PVT1: variants seen among roughly 807,000 people sequenced by gnomAD.
PVT1 encodes Pvt1 oncogene, also known as CXCR4/PVT1 fusion.
chr8:127,817,546 T>TATACAC (rs1280832628), intron 2 of PVT1, among the ~76,000 whole-genome samples: 1 of 89,936 alleles, frequency 1.1e-5, no homozygotes, highest in Non-Finnish European at 2.3e-5. Flanking sequence ...TATATATATA[T>TATACAC]ACACACACAC....
At chr8:128,024,270 T>C (rs953492510) in intron 4 of PVT1, among the ~76,000 whole-genome samples, 1 of 152,164 alleles carries the variant, frequency 6.6e-6, no homozygotes, top group Admixed American at 6.5e-5. Flanking sequence ...GTGTGACTTA[T>C]TGAGATCTCA....
intron 3 of PVT1, among the ~76,000 whole-genome samples, chr8:127,980,839 C>T (rs534431852): frequency 7.3e-4 from 110 of 149,816 alleles, no homozygotes; most frequent in Non-Finnish European, 1.5e-3. Context: ...GCTCTGTTGC[C>T]CAGGATATAG....
At chr8:128,081,966 A>AC (rs889298383) in intron 5 of PVT1, among the ~76,000 whole-genome samples, 3 of 151,670 alleles carry the variant, frequency 2.0e-5, no homozygotes, top group South Asian at 2.1e-4. Context: ...TGTATTGAAC[A>AC]CCCCCCCTCA....
At chr8:127,858,317 G>T (rs1428344980) in intron 2 of PVT1, among the ~76,000 whole-genome samples, 1 of 152,084 alleles carries the variant, frequency 6.6e-6, no homozygotes, top group Non-Finnish European at 1.5e-5. Context: ...TGAGGCAGGA[G>T]AATCACTTGA....
At chr8:127,918,737 G>A (rs915208324) in intron 3 of PVT1, among the ~76,000 whole-genome samples, 1 of 152,202 alleles carries the variant, frequency 6.6e-6, no homozygotes, top group Non-Finnish European at 1.5e-5. Context: ...CAAAGGGTCA[G>A]GTTAGGTTGT....
intron 3 of PVT1, among the ~76,000 whole-genome samples, chr8:127,896,782 C>CCCCG (rs1554595098): frequency 2.0e-5 from 3 of 149,458 alleles, no homozygotes; most frequent in African/African-American, 7.4e-5. Flanking sequence ...CCTCCCCCCC[C>CCCCG]CCGCCCCCGA....
chr8:127,864,299 G>T (rs1280929304), intron 2 of PVT1, among the ~76,000 whole-genome samples: 1 of 151,728 alleles, frequency 6.6e-6, no homozygotes, highest in African/African-American at 2.4e-5. Flanking sequence ...TGGAACTGGG[G>T]CCCTGCCAGT....
chr8:127,813,886 A>T (rs1586390428), intron 2 of PVT1, among the ~76,000 whole-genome samples: 1 of 152,118 alleles, frequency 6.6e-6, no homozygotes, highest in South Asian at 2.1e-4. Context: ...AGGTTCAAGC[A>T]ATTCTTCTGC....
At chr8:128,059,263 G>A (rs1003347825) in intron 4 of PVT1, among the ~76,000 whole-genome samples, 3 of 152,156 alleles carry the variant, frequency 2.0e-5, no homozygotes, top group Middle Eastern at 3.4e-3. Context: ...GGCTCAATAC[G>A]CAGCTCAACA....
rs190578874 is a variant in PVT1 at position 127,997,129 on chromosome 8, A to C, written n.912+7838A>C. On this transcript the variant is annotated intron_variant and non_coding_transcript_variant, in intron 4 of 10. Coordinates refer to ENST00000651587, the Ensembl canonical transcript of PVT1. The stretch of plus-strand genomic sequence containing the variant: ...GAGTACAATGGCGTGATCTCAGCTC[A>C]CCACAAGCTCTGCCTCCCGGGGTCA... Among the ~76,000 whole-genome samples the C allele has an allele frequency of 2.1e-5, 3 of 141,636 alleles. No homozygotes were observed. In the East Asian group the frequency reaches 6.3e-4, roughly 30 times the overall value. The allele number at this position is 141,636 out of a possible 152,430, so 92.9% of individuals were successfully genotyped here.
intron 4 of PVT1, among the ~76,000 whole-genome samples, chr8:128,011,094 G>A (rs971624747): frequency 2.0e-5 from 3 of 152,126 alleles, no homozygotes; most frequent in African/African-American, 7.2e-5. Flanking sequence ...CTGTCTTAAG[G>A]TGCGGGGACC....
At chr8:128,100,180 TTCCC>T (rs1232211744) in intron 6 of PVT1, among the ~76,000 whole-genome samples, 2 of 128,436 alleles carry the variant, frequency 1.6e-5, no homozygotes, top group Non-Finnish European at 3.2e-5. Flanking sequence ...CCTCCCTTCC[TTCCC>T]TCCTTCCCGA....
intron 2 of PVT1, among the ~76,000 whole-genome samples, chr8:127,810,176 G>T (rs1203385653): frequency 6.6e-6 from 1 of 152,220 alleles, no homozygotes; most frequent in African/African-American, 2.4e-5. Context: ...TTCCTGGCTG[G>T]TCTGAGCCCT....
intron 3 of PVT1, among the ~76,000 whole-genome samples, chr8:127,985,524 G>C (rs78635499): frequency 1.1e-4 from 16 of 151,866 alleles, no homozygotes; most frequent in Admixed American, 6.6e-4. Context: ...CTAACTGGTG[G>C]GGATCAGCTC....
intron 4 of PVT1, among the ~76,000 whole-genome samples, chr8:128,036,770 G>A (rs1813467944): frequency 6.6e-6 from 1 of 152,168 alleles, no homozygotes; most frequent in African/African-American, 2.4e-5. Context: ...GCTGCTGCAG[G>A]GTTACCGCAC....
chr8:127,881,237 G>C (rs1183960226), intron 2 of PVT1, among the ~76,000 whole-genome samples: 1 of 152,080 alleles, frequency 6.6e-6, no homozygotes, highest in Non-Finnish European at 1.5e-5. Context: ...CACCATAATA[G>C]CAGCGCTGTG....
chr8:127,795,597 C>A (rs753121478), intron 1 of PVT1, among the ~76,000 whole-genome samples: 2 of 152,140 alleles, frequency 1.3e-5, no homozygotes. Context: ...CTGTCTCTCG[C>A]CCACTCCACC....
intron 2 of PVT1, among the ~76,000 whole-genome samples, chr8:127,843,508 T>G (rs1814995815): frequency 6.6e-6 from 1 of 151,958 alleles, no homozygotes; most frequent in South Asian, 2.1e-4. Context: ...AGTGGCGCGG[T>G]CTCGGCTCAC....
chr8:127,835,746 A>C (rs1411576231), intron 2 of PVT1, among the ~76,000 whole-genome samples: 1 of 152,190 alleles, frequency 6.6e-6, no homozygotes, highest in Non-Finnish European at 1.5e-5. Context: ...GCAGTGAGTG[A>C]GTTCTCCATC....
Sources: gnomAD v4.1 joint callset for allele counts (sites outside exome capture counted in the v4.1 genomes callset) on GRCh38, gnomAD v4.1.1 for gene constraint, MANE v1.5 for transcripts, NCBI Gene and HGNC (gene_info 2026-07-23, HGNC 2026-07-21) for gene names.